Variants in KCNQ5 observed in about 807,000 individuals in gnomAD.
The protein encoded by KCNQ5 is potassium voltage-gated channel subfamily Q member 5.
Under a neutral mutation model 98.2 loss-of-function variants are expected in KCNQ5, and 30 were observed. The observed-to-expected ratio is 0.31, with a 90% CI of 0.23 to 0.41. KCNQ5 has a LOEUF of 0.41. KCNQ5 is among the 10% of genes least tolerant of loss of function. The pLI, the probability that KCNQ5 is intolerant of heterozygous loss-of-function variation, is 1.00. For synonymous variants in KCNQ5, 458 were observed against 449.4 expected (o/e 1.02, Z -0.24); for missense variants, 835 against 1,182.5 (o/e 0.71, Z 4.31).
intron 7 of KCNQ5, among the ~76,000 whole-genome samples, chr6:73,113,448 G>T (rs1176237429): frequency 6.6e-6 from 1 of 152,112 alleles, no homozygotes; most frequent in Non-Finnish European, 1.5e-5. Flanking sequence ...AAGCTGTGCC[G>T]CTCAATACAG....
At chr6:72,924,241 T>C (rs1780527552) in intron 1 of KCNQ5, among the ~76,000 whole-genome samples, 1 of 152,168 alleles carries the variant, frequency 6.6e-6, no homozygotes, top group African/African-American at 2.4e-5. Flanking sequence ...TGTGAACTCA[T>C]GACAGATTTT....
At chr6:72,931,746 G>T (rs910504934) in intron 1 of KCNQ5, among the ~76,000 whole-genome samples, 6 of 152,064 alleles carry the variant, frequency 3.9e-5, no homozygotes, top group Non-Finnish European at 8.8e-5. Flanking sequence ...GACACCCAGG[G>T]CCCCTTCCCA....
intron 1 of KCNQ5, among the ~76,000 whole-genome samples, chr6:72,946,147 G>T (rs1766536868): frequency 1.3e-5 from 2 of 152,086 alleles, no homozygotes; most frequent in South Asian, 4.1e-4. Context: ...GTTCCAAACG[G>T]CCTTTTATAG....
intron 1 of KCNQ5, among the ~76,000 whole-genome samples, chr6:72,734,001 G>GC (rs1770691985): frequency 1.5e-5 from 1 of 66,730 alleles, no homozygotes; most frequent in South Asian, 5.4e-4. Context: ...GGGAGGATAA[G>GC]GGACAAGGAA....
intron 5 of KCNQ5, among the ~76,000 whole-genome samples, chr6:73,084,542 C>A (rs1773904732): frequency 6.6e-6 from 1 of 152,162 alleles, no homozygotes; most frequent in Non-Finnish European, 1.5e-5. Flanking sequence ...TGATGAGATA[C>A]AATTGAATAA....
At chr6:73,160,625 C>T (rs1777581902) in intron 10 of KCNQ5, among the ~76,000 whole-genome samples, 1 of 152,160 alleles carries the variant, frequency 6.6e-6, no homozygotes, top group Non-Finnish European at 1.5e-5. Context: ...TCTTGTGAGG[C>T]ACGTATGTTG....
chr6:72,985,484 T>C (rs1562111547), intron 1 of KCNQ5, among the ~76,000 whole-genome samples: 1 of 152,202 alleles, frequency 6.6e-6, no homozygotes, highest in Non-Finnish European at 1.5e-5. Context: ...ATCCTACTTG[T>C]TGGTGGTCAG....
At chr6:73,157,697 C>A (rs986038784) in intron 10 of KCNQ5, 2 of 775,642 alleles carry the variant, frequency 2.6e-6, no homozygotes, top group African/African-American at 3.4e-5. Context: ...TCTGGGCATG[C>A]AGGCATCAGA....
chr6:72,895,114 TAAAAAAAA>T (rs71540357), intron 1 of KCNQ5, among the ~76,000 whole-genome samples: 1 of 89,252 alleles, frequency 1.1e-5, no homozygotes, highest in South Asian at 4.1e-4. Flanking sequence ...CCATCTCTAC[TAAAAAAAA>T]AAAAAAAAAA....
chr6:72,890,447 T>C (rs1281132329), intron 1 of KCNQ5, among the ~76,000 whole-genome samples: 1 of 152,154 alleles, frequency 6.6e-6, no homozygotes, highest in Admixed American at 6.5e-5. Flanking sequence ...CTGTGGCAAC[T>C]CTATACATGA....
rs775707533 is a variant in KCNQ5, at chr6:72,892,034, A to G, written c.399-111874A>G. ...ATGGTATGTCTTTCTCATTAGATTT[A>G]GAGCCTAATCCCCATGTAAGAGGCT... On this transcript the variant is annotated intron_variant, in intron 1 of 13. Transcript: ENST00000370398. 3.9e-5 allele frequency among the ~76,000 whole-genome samples: 6 copies of G among 152,288 alleles called. No individual in the cohort carries two copies. The South Asian group carries it at 8.3e-4, about 21-fold the overall frequency.
intron 1 of KCNQ5, among the ~76,000 whole-genome samples, chr6:72,838,777 C>T (rs1171020237): frequency 2.7e-5 from 4 of 150,794 alleles, no homozygotes; most frequent in African/African-American, 9.7e-5. Flanking sequence ...GGTGAAACCC[C>T]GTCTCTACTA....
chr6:72,985,829 A>G (rs1476080195), intron 1 of KCNQ5, among the ~76,000 whole-genome samples: 1 of 152,240 alleles, frequency 6.6e-6, no homozygotes, highest in Non-Finnish European at 1.5e-5. Context: ...AAAGGAAAAT[A>G]GATCATTACA....
intron 12 of KCNQ5, among the ~76,000 whole-genome samples, chr6:73,191,846 A>G (rs1390270230): frequency 6.6e-6 from 1 of 152,348 alleles, no homozygotes; most frequent in Non-Finnish European, 1.5e-5. Context: ...TAAACTGGAA[A>G]GTTGTCTATA....
At chr6:72,816,894 G>A (rs1416815582) in intron 1 of KCNQ5, among the ~76,000 whole-genome samples, 1 of 152,182 alleles carries the variant, frequency 6.6e-6, no homozygotes, top group East Asian at 1.9e-4. Flanking sequence ...ACTCTCAGTA[G>A]TACATTCAGC....
chr6:72,624,710 T>A (rs924349354), intron 1 of KCNQ5, among the ~76,000 whole-genome samples: 7 of 152,220 alleles, frequency 4.6e-5, no homozygotes, highest in African/African-American at 1.7e-4. Flanking sequence ...GAAGTTTTGA[T>A]TATACATTTT....
intron 10 of KCNQ5, among the ~76,000 whole-genome samples, chr6:73,149,106 G>A (rs1163192633): frequency 6.6e-6 from 1 of 152,174 alleles, no homozygotes; most frequent in African/African-American, 2.4e-5. Flanking sequence ...AGCTATGGTA[G>A]AGTGTCATGA....
At chr6:72,712,284 A>G (rs1582154048) in intron 1 of KCNQ5, among the ~76,000 whole-genome samples, 1 of 152,190 alleles carries the variant, frequency 6.6e-6, no homozygotes, top group South Asian at 2.1e-4. Flanking sequence ...TAGCAAAGGA[A>G]TTGTCACAGA....
chr6:72,776,185 C>A (rs929583445), intron 1 of KCNQ5, among the ~76,000 whole-genome samples: 3 of 152,110 alleles, frequency 2.0e-5, no homozygotes, highest in African/African-American at 4.8e-5. Context: ...CTGTGTTACA[C>A]CGCAACTGGG....
Sources: gnomAD v4.1 joint callset for allele counts (sites outside exome capture counted in the v4.1 genomes callset) on GRCh38, gnomAD v4.1.1 for gene constraint, MANE v1.5 for transcripts, NCBI Gene and HGNC (gene_info 2026-07-23, HGNC 2026-07-21) for gene names.